The following LCA5L variants were observed in gnomAD, a reference collection of about 807,000 sequenced individuals.
LCA5L encodes the protein lebercilin-like protein.
A neutral mutation model predicts 45.4 loss-of-function variants in LCA5L; 35 were observed. The ratio of observed to expected loss-of-function variants is 0.77; its 90% CI spans 0.59 to 1.02. The LOEUF (loss-of-function observed/expected upper bound fraction) is 1.02. Among genes scored for constraint, LCA5L ranks in the 50% least tolerant of loss-of-function variants. The pLI is 0.00. For missense variants in LCA5L, 668 were observed against 761.6 expected (o/e 0.88, Z 1.45); for synonymous variants, 233 against 264.7 (o/e 0.88, Z 1.16).
intron 8 of LCA5L, among the ~76,000 whole-genome samples, 155 bp from the exon 9 acceptor site, chr21:39,410,522 G>C (rs914493151): frequency 2.0e-5 from 3 of 152,122 alleles, no homozygotes; most frequent in Admixed American, 6.5e-5. Context: ...TTAGTTTCCT[G>C]TTTTTCCCTC....
At position 39,409,752 on chromosome 21, in the gene LCA5L, G is replaced by C. The variant is rs367560274; in HGVS notation, c.1282+227C>G. 2.7e-3 allele frequency among the ~76,000 whole-genome samples: 411 copies of C among 152,198 alleles called. 5 individuals carry two copies. The highest frequency in any genetic ancestry group is 9.4e-3 in the African/African-American group (389 of 41,536). ...GGATTACAGGCACATACCGCCATGT[G>C]CGGTTAAGTTTTGTATTTTTTAGTA... On this transcript the variant is annotated intron_variant, in intron 10 of 10. Transcript: ENST00000288350. This position sits in a 1 kb window ranked among gnomAD's most constrained non-coding sequence, Gnocchi z 4.2.
intron 2 of LCA5L, chr21:39,438,864 T>C (rs1198249669): frequency 6.6e-6 from 1 of 152,248 alleles, no homozygotes; most frequent in Admixed American, 6.5e-5. Context: ...ACGTTCATTT[T>C]CCAATCAATG....
At chr21:39,422,460 T>A (rs1325002944) in intron 6 of LCA5L, 3 of 154,778 alleles carry the variant, frequency 1.9e-5, no homozygotes, top group Non-Finnish European at 4.3e-5. Flanking sequence ...CCCAGGAACA[T>A]TATCTGGGAA....
chr21:39,423,774 C>A (rs994357601), intron 5 of LCA5L, among the ~76,000 whole-genome samples: 1 of 152,094 alleles, frequency 6.6e-6, no homozygotes, highest in African/African-American at 2.4e-5. Flanking sequence ...TACATAGCCA[C>A]GAAGTGACAC....
intron 2 of LCA5L, among the ~76,000 whole-genome samples, chr21:39,437,377 G>T (rs1440924107): frequency 6.6e-6 from 1 of 152,210 alleles, no homozygotes; most frequent in African/African-American, 2.4e-5. Context: ...AAGTTATTAT[G>T]TGGAAATGAA....
At chr21:39,421,687 C>T (rs764122352) in intron 6 of LCA5L, 2 of 152,146 alleles carry the variant, frequency 1.3e-5, no homozygotes, top group Non-Finnish European at 2.9e-5. Flanking sequence ...TCCATTATAA[C>T]AGCAGTACTT....
intron 7 of LCA5L, among the ~76,000 whole-genome samples, chr21:39,416,571 G>A (rs2041198075): frequency 6.6e-6 from 1 of 152,058 alleles, no homozygotes; most frequent in Non-Finnish European, 1.5e-5. Flanking sequence ...GGTGTTCATT[G>A]CTCCTGGTTA....
intron 6 of LCA5L, 68 bp downstream of exon 6, chr21:39,422,908 T>C (rs1199157319): frequency 7.0e-7 from 1 of 1,419,302 alleles, no homozygotes; most frequent in South Asian, 1.3e-5. Flanking sequence ...GGCGCATCCA[T>C]GATTAATTCA....
intron 3 of LCA5L, among the ~76,000 whole-genome samples, chr21:39,434,881 C>G (rs1418420487): frequency 6.6e-6 from 1 of 152,060 alleles, no homozygotes; most frequent in Non-Finnish European, 1.5e-5. Context: ...CTTCCAGGGT[C>G]TGGGGTTATG....
intron 5 of LCA5L, among the ~76,000 whole-genome samples, 176 bp from the exon 6 acceptor site, chr21:39,423,666 C>T (rs567476775): frequency 2.6e-5 from 4 of 152,266 alleles, no homozygotes; most frequent in African/African-American, 7.2e-5. Context: ...ATGCTTTAGG[C>T]TAGGTACTTT....
At position 39,409,197 on chromosome 21, in the gene LCA5L, A is replaced by G. The variant is rs1443824753; in HGVS notation, c.1282+782T>C. ...ACTCTCCTCGTGCGAGCACTAAGGA[A>G]ACGCCACATGAAGACATAGTGAGAA... On this transcript the variant is annotated intron_variant, in intron 10 of 10. Transcript: ENST00000288350. This position sits in a 1 kb window ranked among gnomAD's most constrained non-coding sequence, Gnocchi z 4.2. 6.6e-6 allele frequency among the ~76,000 whole-genome samples: 1 copy of G among 152,160 alleles called. No homozygotes were observed. Among genetic ancestry groups the G allele is most frequent in the Non-Finnish European group, 1.5e-5 (1 of 68,032 alleles).
intron 2 of LCA5L, chr21:39,443,407 GT>G: frequency 6.6e-6 from 1 of 152,552 alleles, no homozygotes; most frequent in Non-Finnish European, 1.5e-5. Context: ...ACAGGGTAGA[GT>G]TTTTGGCGAG....
rs193093360 is a variant in LCA5L, at chr21:39,419,140, G to A, written c.975+1566C>T. Among the ~76,000 whole-genome samples the A allele has an allele frequency of 1.5e-3, 225 of 151,888 alleles. 1 individual carries two copies. The highest frequency in any genetic ancestry group is 0.01 in the Middle Eastern group (3 of 294). ...TGAATTATCCAACTCGTCCAGCTCCGCCCCAACTCCTCACCCCCCACTATT... is the reference window on the plus strand; with the variant it reads ...TGAATTATCCAACTCGTCCAGCTCCACCCCAACTCCTCACCCCCCACTATT... On this transcript the variant is annotated intron_variant, in intron 7 of 10. Transcript: ENST00000288350.
In LCA5L at chr21:39,409,894, G is replaced by T; in HGVS notation, c.1282+85C>A. The T allele has an allele frequency of 1.3e-6, 1 of 792,034 alleles. No homozygotes were observed. The highest frequency in any genetic ancestry group is 2.0e-6 in the Non-Finnish European group (1 of 494,364). The allele number at this position is 792,034 out of a possible 1,614,324, so 49.1% of individuals were successfully genotyped here. ...CAGGTGCGAGCTGCCATGCCCAGCT[G>T]TTTTATGTGTGCTTTATATACACAT... is the stretch of plus-strand genomic sequence containing the variant. On this transcript the variant is annotated intron_variant, in intron 10 of 10. Coordinates refer to ENST00000288350, the MANE Select transcript of LCA5L (RefSeq NM_152505.4). The surrounding 1 kb of genome is among the most constrained non-coding windows in gnomAD (Gnocchi z 4.2).
At chr21:39,408,275 T>C (rs1188451615) in intron 10 of LCA5L, among the ~76,000 whole-genome samples, 6 of 152,222 alleles carry the variant, frequency 3.9e-5, no homozygotes, top group Non-Finnish European at 8.8e-5. Flanking sequence ...ATAATGACAC[T>C]TCCAGATGAG....
Position 39,410,371 on chromosome 21 carries a change from TG to T in LCA5L, c.1061-5del. 1 of 1,500,180 alleles carries T rather than the reference TG, an allele frequency of 6.7e-7. No homozygotes were observed. Among genetic ancestry groups the T allele is most frequent in the Non-Finnish European group, 9.2e-7 (1 of 1,085,708 alleles). The allele number at this position is 1,500,180 out of a possible 1,614,324, so 92.9% of individuals were successfully genotyped here. ...TGGACTGATTTTGTTGAAGAAACTATGGAACAGGTAGATTATATGTAAGAAA... is the reference window on the plus strand; with the variant it reads ...TGGACTGATTTTGTTGAAGAAACTATGAACAGGTAGATTATATGTAAGAAA... On this transcript the variant is annotated splice_polypyrimidine_tract_variant and splice_region_variant and intron_variant, in intron 8 of 10. Transcript: ENST00000288350.
intron 7 of LCA5L, among the ~76,000 whole-genome samples, chr21:39,420,068 G>T (rs548423799): frequency 1.3e-5 from 2 of 152,120 alleles, no homozygotes; most frequent in Non-Finnish European, 2.9e-5. Context: ...TTAACGTGAT[G>T]AAATAGGAAT....
rs888473222 is a variant in LCA5L at position 39,429,194 on chromosome 21, A to G, written c.-74T>C. 3.9e-5 allele frequency: 6 copies of G among 152,308 alleles called. No individual in the cohort carries two copies. Among genetic ancestry groups the G allele is most frequent in the African/African-American group, 1.2e-4 (5 of 41,586 alleles). 9.4% of individuals were successfully genotyped at this position (152,308 alleles called of 1,614,324 possible). On this transcript the variant is annotated 5_prime_UTR_variant, in exon 4 of 11. It removes an upstream start codon present in the reference 5' UTR. Coordinates refer to ENST00000288350, the MANE Select transcript of LCA5L (RefSeq NM_152505.4). ...GGTCTTTAAAAGGATTTACCTTTTC[A>G]TTTAATTCTCAATTCTCCTGTTTTA...
At chr21:39,436,534 T>G (rs2076300963) in intron 2 of LCA5L, among the ~76,000 whole-genome samples, 1 of 152,178 alleles carries the variant, frequency 6.6e-6, no homozygotes, top group Non-Finnish European at 1.5e-5. Flanking sequence ...CAGGCTGGAG[T>G]GCAGTGGTGT....
Sources: allele counts gnomAD v4.1 joint callset (sites outside exome capture counted in the v4.1 genomes callset), GRCh38; gene constraint gnomAD v4.1.1; non-coding constraint Gnocchi (gnomAD v3.1); transcripts MANE v1.5; gene names NCBI Gene and HGNC (gene_info 2026-07-23, HGNC 2026-07-21).